Variants in PLEKHA1 observed in about 807,000 individuals in gnomAD.
PLEKHA1 encodes pleckstrin homology domain-containing family A member 1.
A neutral mutation model predicts 52.0 loss-of-function variants in PLEKHA1; 34 were observed. That is an observed-to-expected ratio of 0.65 (90% CI 0.50 to 0.87). PLEKHA1 has a LOEUF of 0.87. PLEKHA1 is among the 40% of genes least tolerant of loss of function. PLEKHA1 has a pLI of 0.00. For synonymous variants in PLEKHA1, 163 were observed against 170.7 expected (o/e 0.95, Z 0.35); for missense variants, 497 against 504.2 (o/e 0.99, Z 0.14).
intron 11 of PLEKHA1, chr10:122,428,485 G>GT: frequency 7.9e-7 from 1 of 1,266,912 alleles, no homozygotes. Context: ...AACGCAAACT[G>GT]TTTCACTGTA....
chr10:122,397,987 C>T lies in PLEKHA1; in HGVS notation c.198+13C>T. 6.3e-7 allele frequency: 1 copy of T among 1,595,842 alleles called. No individual in the cohort carries two copies. Among genetic ancestry groups the T allele is most frequent in the Non-Finnish European group, 8.6e-7 (1 of 1,164,474 alleles). Reference sequence around the variant, plus strand: ...CTACATTTCAAAGGTAGTCTTTATACATTGTCTTATACTCGTGTGAATTAA... The same window carrying T: ...CTACATTTCAAAGGTAGTCTTTATATATTGTCTTATACTCGTGTGAATTAA... On this transcript the variant is annotated intron_variant, in intron 3 of 11. Coordinates refer to ENST00000368990, the MANE Select transcript of PLEKHA1 (RefSeq NM_001001974.4).
chr10:122,419,669 C>T (rs572670979), intron 8 of PLEKHA1: 15 of 152,104 alleles, frequency 9.9e-5, no homozygotes, highest in Admixed American at 2.6e-4. Context: ...GTGCCCCCAT[C>T]ATCAACAGTA....
chr10:122,427,262 A>G (rs971989080), intron 11 of PLEKHA1, among the ~76,000 whole-genome samples: 1 of 152,240 alleles, frequency 6.6e-6, no homozygotes, highest in Non-Finnish European at 1.5e-5. Flanking sequence ...CAAGTAGGGC[A>G]ACTAAAGAAT....
At chr10:122,414,095 T>C (rs1242099813) in intron 6 of PLEKHA1, among the ~76,000 whole-genome samples, 1 of 152,106 alleles carries the variant, frequency 6.6e-6, no homozygotes, top group Non-Finnish European at 1.5e-5. Context: ...GATAAAAAAA[T>C]AAGCTAGGAT....
intron 5 of PLEKHA1, among the ~76,000 whole-genome samples, chr10:122,406,917 A>G (rs1043895049): frequency 6.6e-6 from 1 of 152,202 alleles, no homozygotes; most frequent in Non-Finnish European, 1.5e-5. Context: ...GCAGATCTTA[A>G]TCACTTCTTG....
intron 4 of PLEKHA1, among the ~76,000 whole-genome samples, chr10:122,405,880 G>C (rs1486776892): frequency 1.3e-5 from 2 of 152,012 alleles, no homozygotes; most frequent in Non-Finnish European, 2.9e-5. Flanking sequence ...GTTGGAGAGA[G>C]GTCAACAACA....
chr10:122,438,600 A>T, the PLEKHA1 span: 1 of 152,278 alleles, frequency 6.6e-6, no homozygotes, highest in African/African-American at 2.4e-5. Flanking sequence ...GCATGAGAGA[A>T]TAGATGTCTA....
intron 4 of PLEKHA1, among the ~76,000 whole-genome samples, chr10:122,404,822 CT>C (rs1246411087): frequency 6.6e-6 from 1 of 152,138 alleles, no homozygotes; most frequent in Non-Finnish European, 1.5e-5. Context: ...TTCAAGGAAG[CT>C]GTAGTTTAGA....
At chr10:122,421,530 CAG>C (rs2097259888) in intron 8 of PLEKHA1, 1 of 151,980 alleles carries the variant, frequency 6.6e-6, no homozygotes, top group African/African-American at 2.4e-5. Flanking sequence ...GAAAAGTATT[CAG>C]GGGTAGTGTG....
intron 5 of PLEKHA1, among the ~76,000 whole-genome samples, chr10:122,411,511 G>A (rs1343125048): frequency 6.6e-6 from 1 of 152,172 alleles, no homozygotes; most frequent in Non-Finnish European, 1.5e-5. Context: ...TGGAAGAAGA[G>A]CACAGGTTTT....
At chr10:122,435,187 T>C (rs146625515), downstream of PLEKHA1, 1 of 152,286 alleles carries the variant, frequency 6.6e-6, no homozygotes, top group East Asian at 1.9e-4. Flanking sequence ...GTATCAAAAA[T>C]GCAAAGATAT....
At position 122,385,777 on chromosome 10, in the gene PLEKHA1, A is replaced by G. The variant is rs552164257; in HGVS notation, c.-20-7404A>G. Among the ~76,000 whole-genome samples the G allele has an allele frequency of 1.3e-3, 194 of 152,342 alleles. 1 individual carries two copies. Among genetic ancestry groups the G allele is most frequent in the African/African-American group, 9.1e-4 (38 of 41,570 alleles). The stretch of plus-strand genomic sequence containing the variant: ...TCTGGCTTCTTTCACATACCAAAAT[A>G]CATTTGACATTTATTAGTTGCGCAT... On this transcript the variant is annotated intron_variant, in intron 1 of 11. Transcript: ENST00000368990.
rs560607650 is a variant in PLEKHA1, at chr10:122,393,552, C to T, written c.141+211C>T. ...TAAGTTTATTTGATAAAAATTAATG[C>T]TTCTGTATATATTTTTCCCTCGAGA... is the stretch of plus-strand genomic sequence containing the variant. On this transcript the variant is annotated intron_variant, in intron 2 of 11. Transcript: ENST00000368990. This position sits in a 1 kb window ranked among gnomAD's most constrained non-coding sequence, Gnocchi z 4.5. Among the ~76,000 whole-genome samples, 45 of 152,254 alleles carry T rather than the reference C, an allele frequency of 3.0e-4. No individual in the cohort carries two copies. Among genetic ancestry groups the T allele is most frequent in the Admixed American group, 1.8e-3 (28 of 15,296 alleles).
At chr10:122,405,104 C>A (rs79508005) in intron 4 of PLEKHA1, among the ~76,000 whole-genome samples, 7,727 of 152,158 alleles carry the variant, frequency 0.051, 251 homozygotes, top group East Asian at 0.14. Context: ...AGTTTATAGA[C>A]AACTGTATGT....
intron 8 of PLEKHA1, chr10:122,418,807 C>T (rs1026707496): frequency 1.3e-5 from 2 of 152,156 alleles, no homozygotes; most frequent in Admixed American, 1.3e-4. Context: ...GTCTATCCTA[C>T]GTCTTCTTTT....
downstream of PLEKHA1, chr10:122,437,030 T>G (rs2097440876): frequency 8.0e-6 from 1 of 125,388 alleles, no homozygotes; most frequent in South Asian, 2.7e-4. Flanking sequence ...CTTTGGTACC[T>G]TATCTTCATG....
chr10:122,428,298 C>G (rs1162015605), intron 11 of PLEKHA1: 2 of 1,544,120 alleles, frequency 1.3e-6, no homozygotes, highest in Admixed American at 2.0e-5. Context: ...AGAAGGCTGT[C>G]GAACCCTTGT....
chr10:122,415,262 A>G (rs1285529292), intron 6 of PLEKHA1, among the ~76,000 whole-genome samples: 1 of 152,218 alleles, frequency 6.6e-6, no homozygotes, highest in Non-Finnish European at 1.5e-5. Flanking sequence ...TCAAAATTAT[A>G]GTCTTGGAGA....
downstream of PLEKHA1, chr10:122,436,674 C>T (rs908193600): frequency 6.6e-6 from 1 of 152,146 alleles, no homozygotes; most frequent in African/African-American, 2.4e-5. Flanking sequence ...TAAAATCTAG[C>T]ATGGAAAACT....
Sources: allele counts gnomAD v4.1 joint callset (sites outside exome capture counted in the v4.1 genomes callset), GRCh38; gene constraint gnomAD v4.1.1; non-coding constraint Gnocchi (gnomAD v3.1); transcripts MANE v1.5; gene names NCBI Gene and HGNC (gene_info 2026-07-23, HGNC 2026-07-21).